Variants in UBASH3B observed in about 807,000 individuals in gnomAD.
UBASH3B encodes ubiquitin associated and SH3 domain containing B.
In UBASH3B, 37 loss-of-function variants were observed where a neutral mutation model predicts 83.4. That is an observed-to-expected ratio of 0.44 (90% CI 0.34 to 0.58). The LOEUF (loss-of-function observed/expected upper bound fraction) is 0.58. Among genes scored for constraint, UBASH3B ranks in the 20% least tolerant of loss-of-function variants. The pLI is 0.01. For synonymous variants in UBASH3B, 304 were observed against 318.3 expected (o/e 0.96, Z 0.48); for missense variants, 657 against 827.2 (o/e 0.79, Z 2.52).
chr11:122,793,362 G>A (rs1447710850), intron 6 of UBASH3B, among the ~76,000 whole-genome samples: 3 of 152,284 alleles, frequency 2.0e-5, no homozygotes, highest in South Asian at 2.1e-4. Flanking sequence ...CAGCCTGGGC[G>A]ACAAGAGCAA....
At chr11:122,770,937 C>A (rs1414442537) in intron 1 of UBASH3B, among the ~76,000 whole-genome samples, 1 of 152,196 alleles carries the variant, frequency 6.6e-6, no homozygotes, top group Non-Finnish European at 1.5e-5. Flanking sequence ...GAAATGTATC[C>A]TTCAATGCAA....
intron 6 of UBASH3B, among the ~76,000 whole-genome samples, chr11:122,793,006 C>G (rs1033060867): frequency 1.1e-4 from 16 of 152,150 alleles, no homozygotes; most frequent in African/African-American, 3.4e-4. Context: ...AAAGGAGCCA[C>G]TTCTGAAAGT....
At chr11:122,702,494 T>C (rs1328649476) in intron 1 of UBASH3B, among the ~76,000 whole-genome samples, 1 of 150,772 alleles carries the variant, frequency 6.6e-6, no homozygotes, top group Non-Finnish European at 1.5e-5. Context: ...GGGGAACAGA[T>C]AAAACAGTAA....
At chr11:122,757,410 C>T (rs1019732259) in intron 1 of UBASH3B, among the ~76,000 whole-genome samples, 1 of 152,260 alleles carries the variant, frequency 6.6e-6, no homozygotes, top group African/African-American at 2.4e-5. Flanking sequence ...GAGCTTGGTC[C>T]GATAGCCTCC....
chr11:122,740,612 A>T (rs1458655066), intron 1 of UBASH3B, among the ~76,000 whole-genome samples: 1 of 152,218 alleles, frequency 6.6e-6, no homozygotes. Context: ...TAACTTGCCC[A>T]TAACAGAGTG....
intron 13 of UBASH3B, among the ~76,000 whole-genome samples, chr11:122,809,386 T>G (rs1177529589): frequency 6.6e-6 from 1 of 152,214 alleles, no homozygotes; most frequent in Non-Finnish European, 1.5e-5. Context: ...TGAGCTGCCT[T>G]TTTACCTGGA....
At chr11:122,664,382 G>T (rs1863486280) in intron 1 of UBASH3B, among the ~76,000 whole-genome samples, 1 of 152,098 alleles carries the variant, frequency 6.6e-6, no homozygotes, top group African/African-American at 2.4e-5. Context: ...CTCTCTGCAG[G>T]GTGACAGACT....
In UBASH3B at chr11:122,814,143, T is replaced by C. The variant is rs553603387; in HGVS notation, c.*4257T>C. ...ATTGCCACTCAAGATGGAAACACCATGCCAAGGCATTTTGGTTATACACAG... is the reference window on the plus strand; with the variant it reads ...ATTGCCACTCAAGATGGAAACACCACGCCAAGGCATTTTGGTTATACACAG... On this transcript the variant is annotated 3_prime_UTR_variant, in exon 14 of 14. Coordinates refer to ENST00000284273, the MANE Select transcript of UBASH3B (RefSeq NM_032873.5). The C allele has an allele frequency of 6.5e-6, 1 of 152,808 alleles. No individual in the cohort carries two copies. The highest frequency in any genetic ancestry group is 1.5e-5 in the Non-Finnish European group (1 of 68,042). The allele number at this position is 152,808 out of a possible 1,614,324, so 9.5% of individuals were successfully genotyped here. A position where few individuals can be genotyped will look rare whatever the true frequency, so the allele number is the denominator to read the frequency against.
intron 1 of UBASH3B, among the ~76,000 whole-genome samples, chr11:122,761,462 C>G (rs962428285): frequency 6.6e-6 from 1 of 152,056 alleles, no homozygotes; most frequent in Non-Finnish European, 1.5e-5. Context: ...GAGTGAGACA[C>G]CAACTCCAAA....
intron 1 of UBASH3B, among the ~76,000 whole-genome samples, chr11:122,684,177 C>T (rs1863780876): frequency 1.3e-5 from 2 of 152,212 alleles, no homozygotes; most frequent in Admixed American, 6.5e-5. Flanking sequence ...AAGGCGTATC[C>T]TAGAGTCTGT....
In UBASH3B at chr11:122,682,337, G is replaced by A. The variant is rs1863752309; in HGVS notation, c.161+26127G>A. 1.3e-5 allele frequency among the ~76,000 whole-genome samples: 2 copies of A among 152,114 alleles called. 1 individual carries two copies. The highest frequency in any genetic ancestry group is 6.3e-3 in the Middle Eastern group (2 of 316). Reference sequence around the variant, plus strand: ...CAGTATGAGATCTCATCTCATCCTCGTGGCAGTTATTTGATATGGATGATA... The same window carrying A: ...CAGTATGAGATCTCATCTCATCCTCATGGCAGTTATTTGATATGGATGATA... On this transcript the variant is annotated intron_variant, in intron 1 of 13. Coordinates refer to ENST00000284273, the MANE Select transcript of UBASH3B (RefSeq NM_032873.5).
In UBASH3B at chr11:122,713,885, G is replaced by T. The variant is rs541026346; in HGVS notation, c.161+57675G>T. ...GCAGCTGGCTTTGTGACCTCATCCA[G>T]TGCAGCCTTCCATCAGATGTTTATA... On this transcript the variant is annotated intron_variant, in intron 1 of 13. Coordinates refer to ENST00000284273, the MANE Select transcript of UBASH3B (RefSeq NM_032873.5). Among the ~76,000 whole-genome samples the T allele has an allele frequency of 4.6e-5, 7 of 152,258 alleles. No homozygotes were observed. In the South Asian group the frequency reaches 1.4e-3, roughly 32 times the overall value.
chr11:122,812,163 A>G lies in UBASH3B; in HGVS notation c.*2277A>G, dbSNP rs1424583960. 3.9e-5 allele frequency: 6 copies of G among 152,234 alleles called. No homozygotes were observed. Among genetic ancestry groups the G allele is most frequent in the African/African-American group, 2.4e-5 (1 of 41,464 alleles). The allele number at this position is 152,234 out of a possible 1,614,324, so 9.4% of individuals were successfully genotyped here. A position where few individuals can be genotyped will look rare whatever the true frequency, so the allele number is the denominator to read the frequency against. On this transcript the variant is annotated 3_prime_UTR_variant, in exon 14 of 14. Transcript: ENST00000284273. ...CTTAGGCAATGGTCTATATAAGCAA[A>G]AGGAGATAGAGATCTGAAATAATTT...
chr11:122,704,947 T>G (rs1231498429), intron 1 of UBASH3B, among the ~76,000 whole-genome samples: 1 of 152,184 alleles, frequency 6.6e-6, no homozygotes, highest in Non-Finnish European at 1.5e-5. Flanking sequence ...AAGGTCACTC[T>G]GATAAAAAGA....
At chr11:122,786,438 C>T (rs1051458254) in intron 5 of UBASH3B, among the ~76,000 whole-genome samples, 11 of 152,052 alleles carry the variant, frequency 7.2e-5, no homozygotes, top group Admixed American at 7.2e-4. Flanking sequence ...AGGCAGATCA[C>T]CTGAGGTGAG....
chr11:122,737,802 G>A (rs925376899), intron 1 of UBASH3B, among the ~76,000 whole-genome samples: 1 of 152,124 alleles, frequency 6.6e-6, no homozygotes, highest in African/African-American at 2.4e-5. Flanking sequence ...GACGCCAGAG[G>A]GTTGAGCAGG....
chr11:122,799,487 CA>C (rs34917484), intron 10 of UBASH3B, among the ~76,000 whole-genome samples: 594 of 107,778 alleles, frequency 5.5e-3, no homozygotes, highest in East Asian at 0.017. Context: ...AACTCCATCT[CA>C]AAAAAAAAAA....
intron 1 of UBASH3B, among the ~76,000 whole-genome samples, chr11:122,661,396 C>T (rs1252308701): frequency 6.6e-6 from 1 of 152,202 alleles, no homozygotes; most frequent in African/African-American, 2.4e-5. Context: ...CTTTTTCCAG[C>T]TTACCTGTTG....
Position 122,663,450 on chromosome 11 carries a change from A to G in UBASH3B, c.161+7240A>G, listed in dbSNP as rs78415195. Among the ~76,000 whole-genome samples, 122 of 152,314 alleles carry G rather than the reference A, an allele frequency of 8.0e-4. 1 individual carries two copies. The East Asian group carries it at 0.023, about 29-fold the overall frequency. On this transcript the variant is annotated intron_variant, in intron 1 of 13. Coordinates refer to ENST00000284273, the MANE Select transcript of UBASH3B (RefSeq NM_032873.5). ...GAAGAGTATCCTGCCTCACTGTTCT[A>G]TCCTGTGGCTTTGATCACCACCTGC...
Sources: allele counts gnomAD v4.1 joint callset (sites outside exome capture counted in the v4.1 genomes callset), GRCh38; gene constraint gnomAD v4.1.1; transcripts MANE v1.5; gene names NCBI Gene and HGNC (gene_info 2026-07-23, HGNC 2026-07-21).